The following ULK4 variants were observed in gnomAD, a reference collection of about 807,000 sequenced individuals.
ULK4 encodes the protein inactive serine/threonine-protein kinase ULK4.
Under a neutral mutation model 160.6 loss-of-function variants are expected in ULK4, and 133 were observed. That is an observed-to-expected ratio of 0.83 (90% CI 0.72 to 0.96). The LOEUF is 0.96. Ranked by LOEUF, ULK4 falls within the 40% of genes least tolerant of loss-of-function variation. The pLI, the probability that ULK4 is intolerant of heterozygous loss-of-function variation, is 0.00. For missense variants in ULK4, 1,580 were observed against 1,499.5 expected (o/e 1.05, Z -0.89); for synonymous variants, 534 against 539.8 (o/e 0.99, Z 0.15).
At chr3:41,870,866 C>T (rs74836602) in intron 17 of ULK4, among the ~76,000 whole-genome samples, 10,907 of 152,152 alleles carry the variant, frequency 0.072, 1,231 homozygotes, top group African/African-American at 0.24. Flanking sequence ...CCAAATCTCA[C>T]CCTGAATCGT....
intron 32 of ULK4, among the ~76,000 whole-genome samples, chr3:41,560,289 A>G (rs76889227): frequency 0.43 from 65,750 of 151,994 alleles, 15,355 homozygotes; most frequent in Middle Eastern, 0.55. Context: ...TTTGAACTCA[A>G]GTAATGTGAT....
At position 41,888,463 on chromosome 3, in the gene ULK4, C is replaced by A. The variant is rs376012840; in HGVS notation, c.1578-4511G>T. On this transcript the variant is annotated intron_variant, in intron 16 of 36. Coordinates refer to ENST00000301831, the MANE Select transcript of ULK4 (RefSeq NM_017886.4). Reference sequence around the variant, plus strand: ...CCTCTATCTAAGAATCACAGGTAGACAGACGTTCCCAAGGAAGCCTCAAGG... The same window carrying A: ...CCTCTATCTAAGAATCACAGGTAGAAAGACGTTCCCAAGGAAGCCTCAAGG... Among the ~76,000 whole-genome samples the A allele has an allele frequency of 7.1e-4, 108 of 152,286 alleles. 1 individual carries two copies. The highest frequency in any genetic ancestry group is 2.4e-3 in the African/African-American group (101 of 41,560).
At position 41,794,277 on chromosome 3, in the gene ULK4, C is replaced by A. The variant is rs554160380; in HGVS notation, c.2011-4434G>T. Among the ~76,000 whole-genome samples, 148 of 152,278 alleles carry A rather than the reference C, an allele frequency of 9.7e-4. 1 individual carries two copies. Among genetic ancestry groups the A allele is most frequent in the African/African-American group, 3.4e-3 (141 of 41,566 alleles). On this transcript the variant is annotated intron_variant, in intron 20 of 36. Coordinates refer to ENST00000301831, the MANE Select transcript of ULK4 (RefSeq NM_017886.4). Reference sequence around the variant, plus strand: ...GCTATCCTCCACCTGCTCATTCATTCATCTGATTAGCAGATATCTACTGAG... The same window carrying A: ...GCTATCCTCCACCTGCTCATTCATTAATCTGATTAGCAGATATCTACTGAG...
chr3:41,935,700 T>C (rs1278149769), intron 4 of ULK4, 101 bp downstream of exon 4: 5 of 1,365,650 alleles, frequency 3.7e-6, no homozygotes, highest in African/African-American at 3.0e-5. Context: ...AATTTCAAGA[T>C]ATTCTATACC....
chr3:41,657,069 T>C (rs1460309054), intron 30 of ULK4, among the ~76,000 whole-genome samples: 1 of 152,072 alleles, frequency 6.6e-6, no homozygotes. Flanking sequence ...TGCACCAACA[T>C]GGCAAACAAT....
intron 35 of ULK4, among the ~76,000 whole-genome samples, chr3:41,355,296 A>G (rs1003061392): frequency 2.6e-5 from 4 of 152,092 alleles, no homozygotes; most frequent in African/African-American, 7.2e-5. Context: ...CTAAGACTGG[A>G]CCTGGGAAAG....
intron 21 of ULK4, among the ~76,000 whole-genome samples, chr3:41,762,653 CA>C (rs2039023828): frequency 7.4e-6 from 1 of 134,324 alleles, no homozygotes; most frequent in Admixed American, 7.9e-5. Context: ...GGAAGTGTTA[CA>C]CTTTTTTTTT....
At chr3:41,825,064 GGACCTCCAGCAAACTCCAACA>G (rs1310123822) in intron 18 of ULK4, among the ~76,000 whole-genome samples, 1 of 152,190 alleles carries the variant, frequency 6.6e-6, no homozygotes, top group African/African-American at 2.4e-5. Flanking sequence ...GGTCTGGAGT[GGACCTCCAGCAAACTCCAACA>G]GACCTGCAGC....
At chr3:41,358,767 C>T (rs558648013) in intron 35 of ULK4, among the ~76,000 whole-genome samples, 2 of 152,156 alleles carry the variant, frequency 1.3e-5, no homozygotes, top group African/African-American at 2.4e-5. Flanking sequence ...GATTTTACTC[C>T]GAGATGGACA....
At chr3:41,775,933 T>C (rs1231889246) in intron 21 of ULK4, among the ~76,000 whole-genome samples, 1 of 151,000 alleles carries the variant, frequency 6.6e-6, no homozygotes, top group Non-Finnish European at 1.5e-5. Context: ...TGGTTAACTT[T>C]TACATTCTGC....
intron 34 of ULK4, among the ~76,000 whole-genome samples, chr3:41,433,438 A>G (rs1207132690): frequency 2.0e-5 from 3 of 152,218 alleles, no homozygotes; most frequent in Non-Finnish European, 4.4e-5. Context: ...CAAAACTAAA[A>G]ATTCACAACC....
At chr3:41,718,439 T>C (rs2037343750) in intron 22 of ULK4, among the ~76,000 whole-genome samples, 1 of 152,224 alleles carries the variant, frequency 6.6e-6, no homozygotes, top group African/African-American at 2.4e-5. Flanking sequence ...TCTTTAAACA[T>C]TCATTTCTGA....
chr3:41,380,242 T>C (rs1260716046), intron 35 of ULK4, among the ~76,000 whole-genome samples: 4 of 152,108 alleles, frequency 2.6e-5, no homozygotes, highest in African/African-American at 7.2e-5. Context: ...CTAATTTGAA[T>C]AGCAATGGAA....
intron 34 of ULK4, among the ~76,000 whole-genome samples, chr3:41,423,800 CAG>C (rs1312224595): frequency 6.6e-6 from 1 of 152,182 alleles, no homozygotes; most frequent in Non-Finnish European, 1.5e-5. Context: ...CACCCCCAGC[CAG>C]AGAGGCAGTG....
intron 35 of ULK4, among the ~76,000 whole-genome samples, chr3:41,328,136 T>G (rs934499914): frequency 1.3e-5 from 2 of 152,146 alleles, no homozygotes; most frequent in Non-Finnish European, 2.9e-5. Flanking sequence ...ATGGGATAAA[T>G]GCAGGGTTCT....
intron 5 of ULK4, among the ~76,000 whole-genome samples, chr3:41,930,658 C>T (rs1243775559): frequency 1.3e-5 from 2 of 152,178 alleles, no homozygotes; most frequent in South Asian, 2.1e-4. Context: ...AAGCAAACAA[C>T]CCCATCAAAA....
At chr3:41,826,352 A>T (rs1351114634) in intron 18 of ULK4, among the ~76,000 whole-genome samples, 1 of 152,196 alleles carries the variant, frequency 6.6e-6, no homozygotes, top group Non-Finnish European at 1.5e-5. Flanking sequence ...CAATTAGAAG[A>T]CACAGACTGG....
At position 41,773,436 on chromosome 3, in the gene ULK4, C is replaced by T. The variant is rs2039481902; in HGVS notation, c.2193+16225G>A. 2.0e-5 allele frequency among the ~76,000 whole-genome samples: 3 copies of T among 152,122 alleles called. No individual in the cohort carries two copies. In the South Asian group the frequency reaches 6.2e-4, roughly 32 times the overall value. ...TTCTTATACACCAACAACAGACAAACAGAGAGCCAAATCATGAGTGAACTC... is the reference window on the plus strand; with the variant it reads ...TTCTTATACACCAACAACAGACAAATAGAGAGCCAAATCATGAGTGAACTC... On this transcript the variant is annotated intron_variant, in intron 21 of 36. Transcript: ENST00000301831.
At chr3:41,619,060 A>G (rs2033118274) in intron 30 of ULK4, among the ~76,000 whole-genome samples, 1 of 152,220 alleles carries the variant, frequency 6.6e-6, no homozygotes. Flanking sequence ...TAAAGGGATC[A>G]ATGCAACAAG....
Sources: allele counts gnomAD v4.1 joint callset (sites outside exome capture counted in the v4.1 genomes callset), GRCh38; gene constraint gnomAD v4.1.1; transcripts MANE v1.5; gene names NCBI Gene and HGNC (gene_info 2026-07-23, HGNC 2026-07-21).